Variants in FAM20A observed in about 807,000 individuals in gnomAD.
FAM20A encodes pseudokinase FAM20A.
Under a neutral mutation model 52.0 loss-of-function variants are expected in FAM20A, and 42 were observed. That is an observed-to-expected ratio of 0.81 (90% CI 0.63 to 1.04). FAM20A has a LOEUF of 1.04. FAM20A is among the 50% of genes least tolerant of loss of function. The probability of loss-of-function intolerance (pLI) is 0.00; values close to 1 mark genes in which losing one functional copy is unlikely to be tolerated. For missense variants in FAM20A, 742 were observed against 712.7 expected, an observed-to-expected ratio of 1.04 and a Z score of -0.47; for synonymous variants, 304 against 298.9, an observed-to-expected ratio of 1.02 and a Z score of -0.18.
chr17:68,562,106 A>T (rs2087232069), intron 1 of FAM20A, among the ~76,000 whole-genome samples: 1 of 152,158 alleles, frequency 6.6e-6, no homozygotes, highest in African/African-American at 2.4e-5. Flanking sequence ...TTACAGGCAT[A>T]AGCCACCACG....
At chr17:68,554,076 A>G (rs1367926250) in intron 3 of FAM20A, among the ~76,000 whole-genome samples, 1 of 148,108 alleles carries the variant, frequency 6.8e-6, no homozygotes, top group South Asian at 2.1e-4. Context: ...ACATATACAC[A>G]CATATATACA....
At position 68,536,331 on chromosome 17, in the gene FAM20A, C is replaced by T; in HGVS notation, c.*1146G>A. ...TTTACTTTTGTTGACTGACTAGTCA[C>T]TCCATGGAATGAAGACCTTACTGTC... On this transcript the variant is annotated 3_prime_UTR_variant, in exon 11 of 11. Coordinates refer to ENST00000592554, the MANE Select transcript of FAM20A (RefSeq NM_017565.4). The T allele has an allele frequency of 2.2e-6, 1 of 454,046 alleles. No homozygotes were observed. 28.1% of individuals were successfully genotyped at this position (454,046 alleles called of 1,614,324 possible).
chr17:68,556,577 G>GA (rs2087055931), intron 1 of FAM20A, among the ~76,000 whole-genome samples: 1 of 151,894 alleles, frequency 6.6e-6, no homozygotes, highest in Non-Finnish European at 1.5e-5. Context: ...ACGGGGCAGG[G>GA]AGGGGGGGTG....
Position 68,537,174 on chromosome 17 carries a change from T to G in FAM20A, c.*303A>C. On this transcript the variant is annotated 3_prime_UTR_variant, in exon 11 of 11. Coordinates refer to ENST00000592554, the MANE Select transcript of FAM20A (RefSeq NM_017565.4). This position sits in a 1 kb window ranked among gnomAD's most constrained non-coding sequence, Gnocchi z 4.2. ...TGTTACCATTAGTACTCTCCTGGGATCAAGGCTGCCAAGCCTGACCTATAC... is the reference window on the plus strand; with the variant it reads ...TGTTACCATTAGTACTCTCCTGGGAGCAAGGCTGCCAAGCCTGACCTATAC... 1.8e-6 allele frequency: 1 copy of G among 564,496 alleles called. No homozygotes were observed. The allele number at this position is 564,496 out of a possible 1,614,324, so 35.0% of individuals were successfully genotyped here. A position where few individuals can be genotyped will look rare whatever the true frequency, so the allele number is the denominator to read the frequency against.
At chr17:68,541,137 T>A in intron 7 of FAM20A, 179 bp from the exon 8 acceptor site, 1 of 827,380 alleles carries the variant, frequency 1.2e-6, no homozygotes, top group Admixed American at 2.6e-5. Context: ...ATATTCCGTG[T>A]GGTGAGAAGG....
chr17:68,575,629 TATA>T (rs1187113706), intron 1 of FAM20A, among the ~76,000 whole-genome samples: 2 of 110,462 alleles, frequency 1.8e-5, no homozygotes, highest in African/African-American at 7.2e-5. Context: ...ATATATAAAA[TATA>T]ATATAGAATA....
At chr17:68,585,784 A>G (rs2088149934) in intron 1 of FAM20A, among the ~76,000 whole-genome samples, 1 of 152,204 alleles carries the variant, frequency 6.6e-6, no homozygotes, top group Non-Finnish European at 1.5e-5. Context: ...TGCCTGGGAC[A>G]TGACTTTGGA....
At chr17:68,580,628 T>A (rs1844683660) in intron 1 of FAM20A, among the ~76,000 whole-genome samples, 1 of 152,200 alleles carries the variant, frequency 6.6e-6, no homozygotes, top group Admixed American at 6.5e-5. Context: ...AAGGGGCATA[T>A]CATGGATTGT....
chr17:68,563,358 C>A (rs1227611842), intron 1 of FAM20A, among the ~76,000 whole-genome samples: 2 of 148,082 alleles, frequency 1.4e-5, no homozygotes, highest in Non-Finnish European at 3.0e-5. Flanking sequence ...TGCACTCCAG[C>A]CGAGGCAACA....
chr17:68,592,567 G>A (rs1371646957), intron 1 of FAM20A, among the ~76,000 whole-genome samples: 1 of 152,160 alleles, frequency 6.6e-6, no homozygotes, highest in Non-Finnish European at 1.5e-5. Flanking sequence ...TGAGAGCTGC[G>A]CTTCACTTGC....
At chr17:68,553,977 CATGCATATATACATATACACACAT>C in intron 3 of FAM20A, among the ~76,000 whole-genome samples, 1 of 116,502 alleles carries the variant, frequency 8.6e-6, no homozygotes, top group African/African-American at 3.4e-5. Flanking sequence ...TATATACACA[CATGCATATATACATATACACACAT>C]ATATGCATAT....
At chr17:68,559,071 T>C (rs2087137626) in intron 1 of FAM20A, among the ~76,000 whole-genome samples, 1 of 152,208 alleles carries the variant, frequency 6.6e-6, no homozygotes, top group African/African-American at 2.4e-5. Context: ...TATTTCTTTA[T>C]AGCAACGCAA....
In FAM20A at chr17:68,542,681, G is replaced by C. The variant is rs1422458355; in HGVS notation, c.928+13C>G. Reference sequence around the variant, plus strand: ...TACTCAGACCCGGAATATCACTCGGGCCAGTACTCTACCTGGAGAGACAAA... The same window carrying C: ...TACTCAGACCCGGAATATCACTCGGCCCAGTACTCTACCTGGAGAGACAAA... On this transcript the variant is annotated intron_variant, in intron 6 of 10. Coordinates refer to ENST00000592554, the MANE Select transcript of FAM20A (RefSeq NM_017565.4). 1.3e-6 allele frequency: 2 copies of C among 1,594,056 alleles called. No individual in the cohort carries two copies. The highest frequency in any genetic ancestry group is 1.7e-6 in the Non-Finnish European group (2 of 1,161,918).
intron 1 of FAM20A, among the ~76,000 whole-genome samples, chr17:68,575,506 T>TTATATATTTTATATAA (rs2087713080): frequency 2.7e-5 from 3 of 109,552 alleles, no homozygotes; most frequent in African/African-American, 3.8e-5. Flanking sequence ...ATATTAGATA[T>TTATATATTTTATATAA]TATATATTTT....
chr17:68,556,960 T>C (rs1243787010), intron 1 of FAM20A, among the ~76,000 whole-genome samples: 2 of 152,074 alleles, frequency 1.3e-5, no homozygotes, highest in South Asian at 4.1e-4. Context: ...ATTACCACTT[T>C]GGGAGGCTGA....
chr17:68,540,357 A>AG (rs2086230598), intron 8 of FAM20A, among the ~76,000 whole-genome samples: 1 of 152,196 alleles, frequency 6.6e-6, no homozygotes, highest in South Asian at 2.1e-4. Flanking sequence ...ACTTCCTGAA[A>AG]GGCACGATGA....
intron 1 of FAM20A, among the ~76,000 whole-genome samples, chr17:68,577,586 A>C (rs1598061408): frequency 6.6e-6 from 1 of 152,238 alleles, no homozygotes; most frequent in East Asian, 1.9e-4. Flanking sequence ...TCTGGCCCCA[A>C]ATGTCAGTAA....
chr17:68,541,040 C>G, intron 7 of FAM20A, 82 bp from the exon 8 acceptor site: 5 of 1,543,466 alleles, frequency 3.2e-6, no homozygotes, highest in African/African-American at 1.4e-5. Context: ...CCCCTGCCCC[C>G]CCAATCCCTG....
At chr17:68,540,009 G>T in intron 8 of FAM20A, 43 bp from the exon 9 acceptor site, 12 of 1,553,074 alleles carry the variant, frequency 7.7e-6, no homozygotes, top group Non-Finnish European at 9.8e-6. Flanking sequence ...GCAGGCCAGG[G>T]GGACAGGTGC....
Sources: gnomAD v4.1 joint callset for allele counts (sites outside exome capture counted in the v4.1 genomes callset) on GRCh38, gnomAD v4.1.1 for gene constraint, Gnocchi (gnomAD v3.1) non-coding constraint, MANE v1.5 for transcripts, NCBI Gene and HGNC (gene_info 2026-07-23, HGNC 2026-07-21) for gene names.